The following DGKI variants were observed in gnomAD, a reference collection of about 807,000 sequenced individuals.
The protein encoded by DGKI is diacylglycerol kinase iota.
DGKI carries 55 observed loss-of-function variants against 147.5 expected under a neutral mutation model. The ratio of observed to expected loss-of-function variants is 0.37; its 90% CI spans 0.30 to 0.47. The LOEUF (loss-of-function observed/expected upper bound fraction) is 0.47, where lower values mean the gene tolerates loss of function less well. Ranked by LOEUF, DGKI falls within the 20% of genes least tolerant of loss-of-function variation. The pLI is 1.00. For missense variants in DGKI, 1,007 were observed against 1,323.8 expected, an observed-to-expected ratio of 0.76 and a Z score of 3.71; for synonymous variants, 469 against 477.1, an observed-to-expected ratio of 0.98 and a Z score of 0.22.
chr7:137,585,538 G>T (rs1819362083), intron 13 of DGKI, among the ~76,000 whole-genome samples, 192 bp from the exon 14 acceptor site: 1 of 152,194 alleles, frequency 6.6e-6, no homozygotes, highest in Non-Finnish European at 1.5e-5. Flanking sequence ...AGAAACACTA[G>T]TTCTGGCTGG....
chr7:137,778,685 A>G (rs1796434824), intron 1 of DGKI, among the ~76,000 whole-genome samples: 1 of 152,214 alleles, frequency 6.6e-6, no homozygotes, highest in Non-Finnish European at 1.5e-5. Context: ...GACAAACTGC[A>G]ATGAATGAAA....
intron 10 of DGKI, among the ~76,000 whole-genome samples, chr7:137,608,687 C>T (rs1041523797): frequency 6.6e-6 from 1 of 152,112 alleles, no homozygotes; most frequent in South Asian, 2.1e-4. Flanking sequence ...TCTAGAATAT[C>T]CTTTCTTGAA....
intron 21 of DGKI, among the ~76,000 whole-genome samples, chr7:137,493,394 T>C (rs373706982): frequency 1.3e-5 from 2 of 152,174 alleles, no homozygotes; most frequent in African/African-American, 4.8e-5. Context: ...GCTTCTGGCA[T>C]GTACAAATGA....
rs556680746 is a variant in DGKI at position 137,487,494 on chromosome 7, A to G, written c.2328+116T>C. 49 of 921,468 alleles carry G rather than the reference A, an allele frequency of 5.3e-5. No individual in the cohort carries two copies. In the African/African-American group the frequency reaches 7.6e-4, roughly 14 times the overall value. The allele number at this position is 921,468 out of a possible 1,614,324, so 57.1% of individuals were successfully genotyped here. A position where few individuals can be genotyped will look rare whatever the true frequency, so the allele number is the denominator to read the frequency against. On this transcript the variant is annotated intron_variant, in intron 22 of 32. Coordinates refer to ENST00000614521, the MANE Select transcript of DGKI (RefSeq NM_001321708.2). Reference sequence around the variant, plus strand: ...CAGCGTATGCTTGAAGGACAAAGCCACCACATTTCCACTTCCTCTCCAAAT... The same window carrying G: ...CAGCGTATGCTTGAAGGACAAAGCCGCCACATTTCCACTTCCTCTCCAAAT...
chr7:137,401,475 G>A (rs1050354014), intron 30 of DGKI, among the ~76,000 whole-genome samples: 1 of 152,094 alleles, frequency 6.6e-6, no homozygotes. Context: ...AAGTTACAGT[G>A]AGCCATGACT....
intron 6 of DGKI, among the ~76,000 whole-genome samples, chr7:137,624,143 T>C (rs1355507656): frequency 6.6e-6 from 1 of 152,192 alleles, no homozygotes; most frequent in African/African-American, 2.4e-5. Flanking sequence ...ATGAAATCAA[T>C]GAAATGGTAA....
Position 137,689,091 on chromosome 7 carries a change from T to C in DGKI, c.510+803A>G, listed in dbSNP as rs569877922. Among the ~76,000 whole-genome samples, 12 of 152,310 alleles carry C rather than the reference T, an allele frequency of 7.9e-5. No individual in the cohort carries two copies. The South Asian group carries it at 1.7e-3, about 21-fold the overall frequency. On this transcript the variant is annotated intron_variant, in intron 2 of 32. Transcript: ENST00000614521. ...CCTTTCCCCCACCCCACCTTTCTCT[T>C]TCATATGGAGAAAAAGAACATGGAT...
intron 23 of DGKI, among the ~76,000 whole-genome samples, chr7:137,476,018 A>G (rs1164322808): frequency 6.6e-6 from 1 of 152,226 alleles, no homozygotes; most frequent in Non-Finnish European, 1.5e-5. Flanking sequence ...ATTTGGGGCT[A>G]AAAACCTTTG....
intron 3 of DGKI, among the ~76,000 whole-genome samples, chr7:137,659,888 G>A (rs113874915): frequency 0.05 from 7,616 of 152,204 alleles, 604 homozygotes; most frequent in African/African-American, 0.17. Flanking sequence ...AGCCGAGATC[G>A]CGCCACTGCA....
intron 20 of DGKI, among the ~76,000 whole-genome samples, chr7:137,540,240 A>G (rs1817644150): frequency 6.6e-6 from 1 of 152,220 alleles, no homozygotes; most frequent in Admixed American, 6.5e-5. Flanking sequence ...ACTAATAATC[A>G]ATCTAATGGT....
chr7:137,832,882 C>T (rs901985406), intron 1 of DGKI, among the ~76,000 whole-genome samples: 6 of 152,144 alleles, frequency 3.9e-5, no homozygotes, highest in African/African-American at 1.4e-4. Flanking sequence ...TTATGAGATA[C>T]CACAAATCAT....
intron 1 of DGKI, among the ~76,000 whole-genome samples, chr7:137,698,227 T>C (rs897167598): frequency 6.6e-6 from 1 of 152,018 alleles, no homozygotes; most frequent in Non-Finnish European, 1.5e-5. Flanking sequence ...TAAATTATCT[T>C]ACCTTCAAAG....
At chr7:137,477,148 C>T (rs1815197735) in intron 23 of DGKI, among the ~76,000 whole-genome samples, 4 of 152,154 alleles carry the variant, frequency 2.6e-5, no homozygotes, top group Admixed American at 2.6e-4. Context: ...ATTCTTCAGT[C>T]TTGCTCTCTT....
At chr7:137,603,632 G>A (rs1820072911) in intron 10 of DGKI, among the ~76,000 whole-genome samples, 1 of 152,200 alleles carries the variant, frequency 6.6e-6, no homozygotes, top group South Asian at 2.1e-4. Context: ...CTGCTAAGGA[G>A]GATGAGTGCC....
intron 1 of DGKI, among the ~76,000 whole-genome samples, chr7:137,823,416 A>G (rs1797964915): frequency 6.6e-6 from 1 of 152,192 alleles, no homozygotes; most frequent in African/African-American, 2.4e-5. Context: ...TCTCAGACAT[A>G]AAAGGACTCT....
At chr7:137,558,632 T>C (rs572822313) in intron 19 of DGKI, among the ~76,000 whole-genome samples, 32 of 115,936 alleles carry the variant, frequency 2.8e-4, no homozygotes, top group Non-Finnish European at 4.0e-4. Context: ...ACCTAAATGC[T>C]ATTAGTAGTG....
chr7:137,522,503 T>C (rs1816997646), intron 20 of DGKI, among the ~76,000 whole-genome samples: 2 of 152,104 alleles, frequency 1.3e-5, no homozygotes, highest in African/African-American at 2.4e-5. Flanking sequence ...AGTCAAAGCA[T>C]ATTGCAATAA....
intron 1 of DGKI, among the ~76,000 whole-genome samples, chr7:137,814,513 G>T (rs1585525325): frequency 6.6e-6 from 1 of 151,910 alleles, no homozygotes; most frequent in Non-Finnish European, 1.5e-5. Flanking sequence ...AATTCCCAAG[G>T]CCCCTAATCC....
At chr7:137,498,884 C>T (rs2128941378) in intron 21 of DGKI, among the ~76,000 whole-genome samples, 1 of 152,236 alleles carries the variant, frequency 6.6e-6, no homozygotes, top group Admixed American at 6.5e-5. Context: ...AGCCTATTCC[C>T]TGTGATAATA....
Sources: allele counts gnomAD v4.1 joint callset (sites outside exome capture counted in the v4.1 genomes callset), GRCh38; gene constraint gnomAD v4.1.1; transcripts MANE v1.5; gene names NCBI Gene and HGNC (gene_info 2026-07-23, HGNC 2026-07-21).